NALF1: variants seen among roughly 807,000 people sequenced by gnomAD.
The protein encoded by NALF1 is family with sequence similarity 155 member A.
In NALF1, 3 loss-of-function variants were observed where a neutral mutation model predicts 48.4. That is an observed-to-expected ratio of 0.06 (90% CI 0.03 to 0.16). The LOEUF (loss-of-function observed/expected upper bound fraction) is 0.16, where lower values mean the gene tolerates loss of function less well. Ranked by LOEUF, NALF1 falls within the 10% of genes least tolerant of loss-of-function variation. The pLI, the probability that NALF1 is intolerant of heterozygous loss-of-function variation, is 1.00. For synonymous variants in NALF1, 262 were observed against 245.7 expected (o/e 1.07, Z -0.62); for missense variants, 526 against 571.5 (o/e 0.92, Z 0.81).
At chr13:107,712,732 C>T (rs947674178) in intron 1 of NALF1, among the ~76,000 whole-genome samples, 2 of 152,156 alleles carry the variant, frequency 1.3e-5, no homozygotes, top group East Asian at 1.9e-4. Context: ...TGAAATGTCA[C>T]GCAGTGTGAA....
At chr13:107,828,606 T>TAC (rs60869824) in intron 1 of NALF1, among the ~76,000 whole-genome samples, 2,196 of 103,980 alleles carry the variant, frequency 0.021, 48 homozygotes, top group African/African-American at 0.051. Context: ...TCTATATCTA[T>TAC]ACACACACAC....
chr13:107,291,490 CAA>C (rs66746220), intron 1 of NALF1, among the ~76,000 whole-genome samples: 28,884 of 144,928 alleles, frequency 0.2, 3,348 homozygotes, highest in Non-Finnish European at 0.27. Context: ...AAGGTGTATA[CAA>C]AAAAAAAAAA....
intron 1 of NALF1, among the ~76,000 whole-genome samples, chr13:107,614,518 C>T (rs1157437909): frequency 6.6e-6 from 1 of 152,120 alleles, no homozygotes; most frequent in Non-Finnish European, 1.5e-5. Flanking sequence ...TACAATAAGG[C>T]TGATATGAAG....
chr13:107,592,106 T>TAAAATTTAAATACTTTAAATGCCA (rs1215874245), intron 1 of NALF1, among the ~76,000 whole-genome samples: 2 of 152,016 alleles, frequency 1.3e-5, no homozygotes, highest in African/African-American at 4.8e-5. Context: ...AAATGCCAAG[T>TAAAATTTAAATACTTTAAATGCCA]AAAAGTATAT....
chr13:107,819,372 C>T (rs1162620118), intron 1 of NALF1, among the ~76,000 whole-genome samples: 1 of 152,184 alleles, frequency 6.6e-6, no homozygotes, highest in Admixed American at 6.5e-5. Context: ...TCTAATTCGT[C>T]AGATTCTGCC....
intron 1 of NALF1, among the ~76,000 whole-genome samples, chr13:107,494,756 A>G (rs922579015): frequency 2.0e-5 from 3 of 152,120 alleles, no homozygotes; most frequent in Non-Finnish European, 4.4e-5. Flanking sequence ...GGAATGACCC[A>G]GATATCTCTG....
At position 107,210,578 on chromosome 13, in the gene NALF1, C is replaced by T. The variant is rs746246638; in HGVS notation, c.1087+6G>A. ...CTGGTGTACAGACTCCCACCCGGCA[C>T]TGTACCTGTACAGATGAAACTGGAG... On this transcript the variant is annotated splice_donor_region_variant and intron_variant, in intron 2 of 2. Transcript: ENST00000375915. 3 of 1,605,102 alleles carry T rather than the reference C, an allele frequency of 1.9e-6. No homozygotes were observed. Among genetic ancestry groups the T allele is most frequent in the East Asian group, 2.2e-5 (1 of 44,832 alleles).
At chr13:107,588,194 A>C (rs1325620289) in intron 1 of NALF1, among the ~76,000 whole-genome samples, 1 of 152,128 alleles carries the variant, frequency 6.6e-6, no homozygotes. Flanking sequence ...CCCTGTTGCC[A>C]TACACACATT....
intron 1 of NALF1, among the ~76,000 whole-genome samples, chr13:107,483,987 C>T (rs764839156): frequency 1.3e-5 from 2 of 151,842 alleles, no homozygotes; most frequent in East Asian, 1.9e-4. Flanking sequence ...ATAATTTTCA[C>T]GATTTTGAAG....
intron 1 of NALF1, among the ~76,000 whole-genome samples, chr13:107,525,519 C>T (rs964044422): frequency 6.6e-6 from 1 of 152,072 alleles, no homozygotes; most frequent in African/African-American, 2.4e-5. Context: ...CCTTTCACCC[C>T]GTGGAAGATG....
rs75312907 is a variant in NALF1 at position 107,645,216 on chromosome 13, C to T, written c.915+220466G>A. Reference sequence around the variant, plus strand: ...TGTTCTTCAAAGTGATTGCTGACAACACCACAAGCAGTTACAGTTGCTCCA... The same window carrying T: ...TGTTCTTCAAAGTGATTGCTGACAATACCACAAGCAGTTACAGTTGCTCCA... On this transcript the variant is annotated intron_variant, in intron 1 of 2. Transcript: ENST00000375915. 1.6e-3 allele frequency among the ~76,000 whole-genome samples: 237 copies of T among 152,244 alleles called. 2 individuals are homozygous for T. Among genetic ancestry groups the T allele is most frequent in the African/African-American group, 5.2e-3 (218 of 41,546 alleles).
intron 1 of NALF1, among the ~76,000 whole-genome samples, chr13:107,475,069 G>A (rs148205249): frequency 1.3e-5 from 2 of 152,192 alleles, no homozygotes; most frequent in African/African-American, 4.8e-5. Context: ...AGAACAAGAG[G>A]TTCTCATTAG....
At chr13:107,639,338 A>G (rs1419219801) in intron 1 of NALF1, among the ~76,000 whole-genome samples, 1 of 151,924 alleles carries the variant, frequency 6.6e-6, no homozygotes, top group Admixed American at 6.6e-5. Context: ...TCTCTCAACA[A>G]ACTCACCTTC....
At chr13:107,328,357 C>T (rs1278705618) in intron 1 of NALF1, among the ~76,000 whole-genome samples, 1 of 151,974 alleles carries the variant, frequency 6.6e-6, no homozygotes, top group Admixed American at 6.6e-5. Context: ...CCTTTCCAGA[C>T]TCATCACACT....
intron 1 of NALF1, among the ~76,000 whole-genome samples, chr13:107,852,382 A>G (rs1165569174): frequency 6.6e-6 from 1 of 152,214 alleles, no homozygotes; most frequent in African/African-American, 2.4e-5. Context: ...AACCGTTTCC[A>G]CTAAAATTCT....
intron 1 of NALF1, among the ~76,000 whole-genome samples, chr13:107,567,872 C>T (rs1041460867): frequency 1.3e-5 from 2 of 152,176 alleles, no homozygotes; most frequent in Admixed American, 1.3e-4. Flanking sequence ...AATGAAACTA[C>T]GTGATTTGTA....
At chr13:107,597,978 A>G (rs1878803565) in intron 1 of NALF1, among the ~76,000 whole-genome samples, 1 of 152,198 alleles carries the variant, frequency 6.6e-6, no homozygotes, top group Non-Finnish European at 1.5e-5. Context: ...TCAAGGTTGA[A>G]GATTATATGT....
intron 1 of NALF1, among the ~76,000 whole-genome samples, chr13:107,490,521 T>A (rs1227701275): frequency 6.6e-6 from 1 of 152,060 alleles, no homozygotes; most frequent in African/African-American, 2.4e-5. Flanking sequence ...TGAGACTAGA[T>A]GGACACACAG....
At position 107,274,203 on chromosome 13, in the gene NALF1, C is replaced by T. The variant is rs181356313; in HGVS notation, c.916-63448G>A. Among the ~76,000 whole-genome samples, 6 of 152,140 alleles carry T rather than the reference C, an allele frequency of 3.9e-5. No individual in the cohort carries two copies. The East Asian group carries it at 1.2e-3, about 29-fold the overall frequency. On this transcript the variant is annotated intron_variant, in intron 1 of 2. Coordinates refer to ENST00000375915, the MANE Select transcript of NALF1 (RefSeq NM_001080396.3). The stretch of plus-strand genomic sequence containing the variant: ...TTACACACTTGGGTAACAACAGAGT[C>T]ATTTTCTTTTTAGAACATCTACGGC...
Sources: allele counts gnomAD v4.1 joint callset (sites outside exome capture counted in the v4.1 genomes callset), GRCh38; gene constraint gnomAD v4.1.1; transcripts MANE v1.5; gene names NCBI Gene and HGNC (gene_info 2026-07-23, HGNC 2026-07-21).